The following PPP2R2B variants were observed in gnomAD, a reference collection of about 807,000 sequenced individuals.
PPP2R2B encodes the protein protein phosphatase 2 regulatory subunit Bbeta.
A neutral mutation model predicts 46.0 loss-of-function variants in PPP2R2B; 5 were observed. The ratio of observed to expected loss-of-function variants is 0.11; its 90% CI spans 0.06 to 0.23. The LOEUF (loss-of-function observed/expected upper bound fraction) is 0.23. Among genes scored for constraint, PPP2R2B ranks in the 10% least tolerant of loss-of-function variants. The probability of loss-of-function intolerance (pLI) is 1.00; values close to 1 mark genes in which losing one functional copy is unlikely to be tolerated. For missense variants in PPP2R2B, 367 were observed against 575.0 expected (o/e 0.64, Z 3.70); for synonymous variants, 215 against 206.7 (o/e 1.04, Z -0.34).
chr5:147,077,299 C>CAG (rs1561616361), intron 2 of PPP2R2B, among the ~76,000 whole-genome samples: 1 of 148,220 alleles, frequency 6.7e-6, no homozygotes, highest in East Asian at 2.0e-4. Flanking sequence ...CACACACACA[C>CAG]ACACACACAC....
intron 2 of PPP2R2B, among the ~76,000 whole-genome samples, chr5:146,830,098 T>G (rs1414341696): frequency 6.6e-6 from 1 of 152,224 alleles, no homozygotes; most frequent in East Asian, 1.9e-4. Context: ...TTCTTTTTTA[T>G]TCTTATTTTT....
At chr5:146,778,629 A>G (rs1298079798) in intron 2 of PPP2R2B, among the ~76,000 whole-genome samples, 1 of 151,896 alleles carries the variant, frequency 6.6e-6, no homozygotes, top group Admixed American at 6.6e-5. Context: ...TTGAATTTTC[A>G]CTCTTCCTAG....
rs964765910 is a variant in PPP2R2B at position 146,964,701 on chromosome 5, AT to A, written c.79+90963del. On this transcript the variant is annotated intron_variant, in intron 1 of 8. Transcript: ENST00000336640. Reference sequence around the variant, plus strand: ...CCACCACGCCAGGCTAAGTTTTTGTATTTTTAGTAGAGACAGGGTTTCACCG... The same window carrying A: ...CCACCACGCCAGGCTAAGTTTTTGTATTTTAGTAGAGACAGGGTTTCACCG... Among the ~76,000 whole-genome samples, 11 of 151,820 alleles carry A rather than the reference AT, an allele frequency of 7.2e-5. 1 individual carries two copies. Among genetic ancestry groups the A allele is most frequent in the Admixed American group, 7.2e-4 (11 of 15,248 alleles).
chr5:147,071,848 A>C (rs568392438), intron 2 of PPP2R2B, among the ~76,000 whole-genome samples: 2 of 152,310 alleles, frequency 1.3e-5, no homozygotes, highest in Non-Finnish European at 2.9e-5. Flanking sequence ...AATGCCAAGC[A>C]CATAGTAGGT....
exon 1 of PPP2R2B, chr5:147,055,715 T>A (rs148351763): frequency 1.2e-6 from 2 of 1,613,178 alleles, no homozygotes; most frequent in African/African-American, 2.7e-5. Flanking sequence ...TCTGAAGATG[T>A]AAGGCAGGTA....
intron 2 of PPP2R2B, among the ~76,000 whole-genome samples, chr5:146,720,198 G>A (rs1457108769): frequency 6.6e-6 from 1 of 152,162 alleles, no homozygotes; most frequent in Admixed American, 6.5e-5. Context: ...TCCACACAAC[G>A]TTAGGTCATT....
chr5:147,026,901 C>A (rs1755551374), intron 1 of PPP2R2B, among the ~76,000 whole-genome samples: 1 of 152,130 alleles, frequency 6.6e-6, no homozygotes, highest in African/African-American at 2.4e-5. Flanking sequence ...ACTAAATATG[C>A]ACTAACCACA....
chr5:146,666,024 G>A (rs972682600), intron 5 of PPP2R2B, among the ~76,000 whole-genome samples: 2 of 152,184 alleles, frequency 1.3e-5, no homozygotes, highest in African/African-American at 4.8e-5. Context: ...ACAAGGTATG[G>A]CTGTATGTCT....
chr5:146,638,471 G>T, intron 6 of PPP2R2B, 56 bp from the exon 7 acceptor site: 1 of 1,490,344 alleles, frequency 6.7e-7, no homozygotes, highest in South Asian at 1.3e-5. Context: ...ACTTGGGGAA[G>T]GGGAGAATTA....
At chr5:147,019,955 A>G (rs895768708) in intron 1 of PPP2R2B, among the ~76,000 whole-genome samples, 61 of 152,256 alleles carry the variant, frequency 4.0e-4, no homozygotes, top group African/African-American at 1.5e-3. Context: ...AGATCTGGCC[A>G]TTCCTTATCA....
chr5:146,646,757 T>C (rs2151089402), intron 6 of PPP2R2B, among the ~76,000 whole-genome samples: 1 of 152,348 alleles, frequency 6.6e-6, no homozygotes, highest in East Asian at 1.9e-4. Flanking sequence ...TCAACTTTTC[T>C]AGTTTCCTTG....
intron 1 of PPP2R2B, among the ~76,000 whole-genome samples, chr5:146,931,610 CAA>C (rs1763972341): frequency 6.6e-6 from 1 of 152,054 alleles, no homozygotes; most frequent in African/African-American, 2.4e-5. Context: ...CGAGGGTAAA[CAA>C]GAGGCACTGG....
At position 146,899,095 on chromosome 5, in the gene PPP2R2B, A is replaced by C. The variant is rs545928665; in HGVS notation, c.79+156570T>G. Among the ~76,000 whole-genome samples, 598 of 151,570 alleles carry C rather than the reference A, an allele frequency of 3.9e-3. 5 individuals are homozygous for C. Among genetic ancestry groups the C allele is most frequent in the African/African-American group, 8.4e-3 (344 of 41,138 alleles). Reference sequence around the variant, plus strand: ...TCCTCAGGGATCTAGAACTAGAAATACCATTTGACCCAGCCATCCCATTAC... The same window carrying C: ...TCCTCAGGGATCTAGAACTAGAAATCCCATTTGACCCAGCCATCCCATTAC... On this transcript the variant is annotated intron_variant, in intron 1 of 8. Transcript: ENST00000336640.
chr5:146,969,409 G>A (rs1476027003), intron 1 of PPP2R2B, among the ~76,000 whole-genome samples: 1 of 152,114 alleles, frequency 6.6e-6, no homozygotes, highest in Non-Finnish European at 1.5e-5. Context: ...AAATTGGGGG[G>A]AGGAGAGTAC....
intron 7 of PPP2R2B, among the ~76,000 whole-genome samples, chr5:146,634,306 G>C (rs944662552): frequency 1.3e-5 from 2 of 152,088 alleles, no homozygotes; most frequent in Non-Finnish European, 2.9e-5. Context: ...GGAAACACTG[G>C]TTTTTCCTGG....
intron 7 of PPP2R2B, among the ~76,000 whole-genome samples, chr5:146,610,142 G>A (rs1772734557): frequency 2.1e-5 from 1 of 48,038 alleles, no homozygotes; most frequent in Admixed American, 2.5e-4. Context: ...GCACGCAGCT[G>A]GAGATCTGAG....
At chr5:146,633,149 T>C (rs142860272) in intron 7 of PPP2R2B, among the ~76,000 whole-genome samples, 11 of 152,056 alleles carry the variant, frequency 7.2e-5, no homozygotes, top group Non-Finnish European at 1.6e-4. Context: ...TAGAAAAAAA[T>C]AGGCGAGGGA....
intron 8 of PPP2R2B, among the ~76,000 whole-genome samples, chr5:146,593,364 G>A (rs1770849861): frequency 6.6e-6 from 1 of 152,242 alleles, no homozygotes; most frequent in Admixed American, 6.5e-5. Flanking sequence ...AGGCATTAGA[G>A]ATCACCATTC....
intron 1 of PPP2R2B, chr5:147,040,596 T>A: frequency 3.2e-6 from 1 of 310,662 alleles, no homozygotes; most frequent in South Asian, 2.7e-5. Context: ...GAGCTCAAAA[T>A]ACTCAGGCTT....
Sources: allele counts gnomAD v4.1 joint callset (sites outside exome capture counted in the v4.1 genomes callset), GRCh38; gene constraint gnomAD v4.1.1; transcripts MANE v1.5; gene names NCBI Gene and HGNC (gene_info 2026-07-23, HGNC 2026-07-21).